The following SCRN2 variants were observed in gnomAD, a reference collection of about 807,000 sequenced individuals.
The protein encoded by SCRN2 is secernin-2.
Under a neutral mutation model 40.1 loss-of-function variants are expected in SCRN2, and 30 were observed. The observed-to-expected ratio is 0.75, with a 90% CI of 0.56 to 1.01. The LOEUF (loss-of-function observed/expected upper bound fraction) is 1.01. Among genes scored for constraint, SCRN2 ranks in the 50% least tolerant of loss-of-function variants. SCRN2 has a pLI of 0.00. For missense variants in SCRN2, 526 were observed against 564.9 expected, an observed-to-expected ratio of 0.93 and a Z score of 0.70; for synonymous variants, 240 against 233.5, an observed-to-expected ratio of 1.03 and a Z score of -0.25.
chr17:47,840,942 C>T (rs1253154163), intron 1 of SCRN2, 99 bp from the exon 2 acceptor site: 1 of 1,181,586 alleles, frequency 8.5e-7, no homozygotes, highest in Non-Finnish European at 1.1e-6. Flanking sequence ...AAGACACCGC[C>T]GTGGCTCCTG....
Position 47,839,225 on chromosome 17 carries a change from G to A in SCRN2, c.556+219C>T, listed in dbSNP as rs909573457. 3.3e-5 allele frequency among the ~76,000 whole-genome samples: 5 copies of A among 152,198 alleles called. No homozygotes were observed. In the South Asian group the frequency reaches 8.3e-4, roughly 25 times the overall value. On this transcript the variant is annotated intron_variant, in intron 4 of 7. Coordinates refer to ENST00000290216, the MANE Select transcript of SCRN2 (RefSeq NM_138355.4). ...AGAAGTACCTGCTTGCATATAAGCA[G>A]GAAACCTGACCACCCAGGGAAGTCC... is the stretch of plus-strand genomic sequence containing the variant.
rs1357983833 is a variant in SCRN2, at chr17:47,837,987, G to A, written c.1135C>T (p.Leu379Phe). 6.2e-7 allele frequency: 1 copy of A among 1,607,172 alleles called. No individual in the cohort carries two copies. Residue 379 changes from leucine to phenylalanine, a missense_variant, in exon 8 of 8, where the codon CTC (leucine) becomes TTC (phenylalanine). Physicochemically the swap from Leu to Phe is conservative, Grantham distance 22 (BLOSUM62 0). Transcript: ENST00000290216. ...TCCAGATCCTGCTGTTTCTGCTGGA[G>A]CTGCTGCCCCCGATCCTGCCCCAAG... The part of the protein sequence containing the change: ...MERDQDRGQQ[L>F]QQKQQDLEQE...
chr17:47,838,978 C>T lies in SCRN2; in HGVS notation c.585G>A (p.Leu195=), dbSNP rs763292679. 1 of 1,614,024 alleles carries T rather than the reference C, an allele frequency of 6.2e-7. No homozygotes were observed. The highest frequency in any genetic ancestry group is 1.7e-5 in the Admixed American group (1 of 60,030). The change falls in exon 5 of 8, where the codon CTG becomes CTA. Residue 195 remains leucine, a synonymous_variant. Transcript: ENST00000290216. ...GGGCCGAGATGTCCGTGCCAATGCT[C>T]AGCTGGTTGGAGATGTTGCGGGCCC... is the stretch of plus-strand genomic sequence containing the variant. The part of the protein sequence containing the change: ...QEGARNISNQ[L]SIGTDISAQH...
At chr17:47,840,964 C>CA in intron 1 of SCRN2, 121 bp from the exon 2 acceptor site, 1 of 955,984 alleles carries the variant, frequency 1.0e-6, no homozygotes, top group East Asian at 3.1e-5. Flanking sequence ...ACGCTCGGCG[C>CA]ACACACCATG....
In SCRN2 at chr17:47,841,015, G is replaced by T. The variant is rs150793998; in HGVS notation, c.1-172C>A. On this transcript the variant is annotated intron_variant, in intron 1 of 7. Coordinates refer to ENST00000290216, the MANE Select transcript of SCRN2 (RefSeq NM_138355.4). ...ACGGAGGTGCCCACCCTCTCCCCAG[G>T]CTCCAGGCTTGGGAGTCCGCAGGCG... The T allele has an allele frequency of 2.7e-4, 143 of 537,560 alleles. No individual in the cohort carries two copies. In the African/African-American group the frequency reaches 2.7e-3, roughly 10 times the overall value. The allele number at this position is 537,560 out of a possible 1,614,324, so 33.3% of individuals were successfully genotyped here. A position where few individuals can be genotyped will look rare whatever the true frequency, so the allele number is the denominator to read the frequency against.
rs747215268 is a variant in SCRN2, at chr17:47,839,644, C to G, written c.357-1G>C. On this transcript the variant is annotated splice_acceptor_variant, in intron 3 of 7. Transcript: ENST00000290216. LOFTEE classifies it high-confidence loss of function. ...AGAGCTGCTCCGTTCCAAAGCCAGC[C>G]TGGCAAAAGAGAGGGCCAAGGGACA... 7.4e-6 allele frequency: 12 copies of G among 1,613,734 alleles called. No individual in the cohort carries two copies. The Admixed American group carries it at 1.2e-4, about 16-fold the overall frequency.
Position 47,838,569 on chromosome 17 carries a change from G to A in SCRN2, c.900C>T (p.Pro300=). The change falls in exon 6 of 8, where the codon CCC becomes CCT. Residue 300 remains proline (P), a synonymous_variant. Transcript: ENST00000290216. ...GCGTGGCGGTAAGAAAGTGCACGCA[G>A]GGCTGCGTGGGATCCTGGGGCAGGA... The part of the protein sequence containing the change: ...VSVLPQDPTQ[P]CVHFLTATPD... The A allele has an allele frequency of 1.2e-6, 2 of 1,614,072 alleles. No individual in the cohort carries two copies. The highest frequency in any genetic ancestry group is 8.5e-7 in the Non-Finnish European group (1 of 1,180,016).
chr17:47,837,863 T>C lies in SCRN2; in HGVS notation c.1259A>G (p.Glu420Gly), dbSNP rs372982459. Reference protein sequence around the residue: ...GSLFQAFVKRESQAYA With the variant: ...GSLFQAFVKRGSQAYA The stretch of plus-strand genomic sequence containing the variant: ...TGAAGCTTACGCATAAGCCTGGCTC[T>C]CCCTCTTCACGAAGGCCTGGAAGAG... The change falls in exon 8 of 8, where the codon GAG (glutamate) becomes GGG (glycine). Residue 420 changes from glutamate to glycine, a missense_variant. Physicochemically the swap from Glu to Gly is moderately conservative, Grantham distance 98. Transcript: ENST00000290216. 88 of 1,600,902 alleles carry C rather than the reference T, an allele frequency of 5.5e-5. No homozygotes were observed. The highest frequency in any genetic ancestry group is 7.2e-5 in the Non-Finnish European group (85 of 1,179,510).
chr17:47,840,542 G>C, intron 2 of SCRN2, 128 bp downstream of exon 2: 1 of 1,258,668 alleles, frequency 7.9e-7, no homozygotes, highest in Non-Finnish European at 1.1e-6. Flanking sequence ...GGTCCAGGTT[G>C]GTAGACCTAA....
Position 47,838,006 on chromosome 17 carries a change from C to G in SCRN2, c.1120-4G>C, listed in dbSNP as rs1567955204. The G allele has an allele frequency of 6.2e-7, 1 of 1,605,106 alleles. No individual in the cohort carries two copies. The highest frequency in any genetic ancestry group is 2.2e-5 in the East Asian group (1 of 44,788). ...GCTGGAGCTGCTGCCCCCGATCCTG[C>G]CCCAAGGGAAAGCTGAGATGAGTCT... On this transcript the variant is annotated splice_polypyrimidine_tract_variant and splice_region_variant and intron_variant, in intron 7 of 7. Transcript: ENST00000290216.
At position 47,838,012 on chromosome 17, in the gene SCRN2, G is replaced by C. The variant is rs753787453; in HGVS notation, c.1120-10C>G. On this transcript the variant is annotated splice_polypyrimidine_tract_variant and intron_variant, in intron 7 of 7. Transcript: ENST00000290216. The stretch of plus-strand genomic sequence containing the variant: ...GCTGCTGCCCCCGATCCTGCCCCAA[G>C]GGAAAGCTGAGATGAGTCTGTCCGG... The C allele has an allele frequency of 6.2e-7, 1 of 1,604,460 alleles. No homozygotes were observed. The highest frequency in any genetic ancestry group is 1.7e-5 in the Admixed American group (1 of 59,356).
chr17:47,840,714 C>G lies in SCRN2; in HGVS notation c.130G>C (p.Val44Leu), dbSNP rs780770132. Residue 44 changes from valine (V) to leucine (L), a missense_variant, in exon 2 of 8, where the codon GTG (valine) becomes CTG (leucine). Physicochemically the swap from Val to Leu is conservative, Grantham distance 32. Coordinates refer to ENST00000290216, the MANE Select transcript of SCRN2 (RefSeq NM_138355.4). ...DRPRDEVQEV[V>L]FVPAGTHTPG... ...GTGTGAGTGCCTGCGGGGACAAACA[C>G]CACCTCCTGCACCTCGTCCCGGGGT... 1 of 1,605,464 alleles carries G rather than the reference C, an allele frequency of 6.2e-7. No individual in the cohort carries two copies. Among genetic ancestry groups the G allele is most frequent in the Admixed American group, 1.7e-5 (1 of 58,732 alleles).
At chr17:47,840,436 C>T in intron 2 of SCRN2, 64 bp from the exon 3 acceptor site, 1 of 1,552,066 alleles carries the variant, frequency 6.4e-7, no homozygotes. Flanking sequence ...GAGTGTGGCA[C>T]TCTGCCAATT....
In SCRN2 at chr17:47,839,424, G is replaced by A; in HGVS notation, c.556+20C>T. Reference sequence around the variant, plus strand: ...CCATCTCTCCCACTTCCCAAAGCTGGGAGAAAGGGAACACCTCACCCTGGA... The same window carrying A: ...CCATCTCTCCCACTTCCCAAAGCTGAGAGAAAGGGAACACCTCACCCTGGA... On this transcript the variant is annotated intron_variant, in intron 4 of 7. Transcript: ENST00000290216. The A allele has an allele frequency of 6.2e-7, 1 of 1,609,612 alleles. No homozygotes were observed. The highest frequency in any genetic ancestry group is 1.1e-5 in the South Asian group (1 of 90,964).
In SCRN2 at chr17:47,838,420, C is replaced by A. The variant is rs376597524; in HGVS notation, c.969G>T (p.Met323Ile). The change falls in exon 7 of 8, where the codon ATG becomes ATT. Residue 323 changes from methionine to isoleucine, a missense_variant. Transcript: ENST00000290216. ...RSVFKPFIFG[M>I]GVAQAPQVLS... ...GCACCTGGGGGGCCTGGGCCACCCCCATCCCGAAGATGAAAGGTTTGAACA... is the reference window on the plus strand; with the variant it reads ...GCACCTGGGGGGCCTGGGCCACCCCAATCCCGAAGATGAAAGGTTTGAACA... 6.2e-7 allele frequency: 1 copy of A among 1,611,996 alleles called. No individual in the cohort carries two copies. Among genetic ancestry groups the A allele is most frequent in the Non-Finnish European group, 8.5e-7 (1 of 1,179,410 alleles).
intron 4 of SCRN2, 84 bp downstream of exon 4, chr17:47,839,360 G>T: frequency 7.0e-7 from 1 of 1,422,754 alleles, no homozygotes; most frequent in Non-Finnish European, 9.7e-7. Context: ...TGGATGTCCT[G>T]ACAGGCTTGC....
rs765609398 is a variant in SCRN2, at chr17:47,838,903, C to T, written c.660G>A (p.Gly220=). Residue 220 remains glycine (G), a synonymous_variant, in exon 5 of 8, where the codon GGG becomes GGA. Coordinates refer to ENST00000290216, the MANE Select transcript of SCRN2 (RefSeq NM_138355.4). ...THAQAKGWWD[G]QGAFDFAQIF... ...TCTGAGCAAAGTCAAAGGCACCCTGCCCATCCCACCAGCCCTTGGCCTGGG... is the reference window on the plus strand; with the variant it reads ...TCTGAGCAAAGTCAAAGGCACCCTGTCCATCCCACCAGCCCTTGGCCTGGG... The T allele has an allele frequency of 6.2e-6, 10 of 1,613,838 alleles. No homozygotes were observed. The African/African-American group carries it at 8.0e-5, about 13-fold the overall frequency.
chr17:47,840,620 G>T, intron 2 of SCRN2, 50 bp downstream of exon 2: 2 of 1,529,766 alleles, frequency 1.3e-6, no homozygotes, highest in Non-Finnish European at 1.8e-6. Flanking sequence ...GGTCTTAAAA[G>T]AATGCAGAGA....
At chr17:47,841,060 C>T (rs1317490443) in intron 1 of SCRN2, 148 bp downstream of exon 1, 1 of 423,368 alleles carries the variant, frequency 2.4e-6, no homozygotes, top group African/African-American at 2.0e-5. Context: ...GGGGTCCCGC[C>T]CCCACTGGGA....
Sources: allele counts gnomAD v4.1 joint callset (sites outside exome capture counted in the v4.1 genomes callset), GRCh38; gene constraint gnomAD v4.1.1; transcripts MANE v1.5; gene names NCBI Gene and HGNC (gene_info 2026-07-23, HGNC 2026-07-21).